Variants in MIS18BP1 observed in about 807,000 individuals in gnomAD.
The protein encoded by MIS18BP1 is MIS18 binding protein 1.
MIS18BP1 carries 72 observed loss-of-function variants against 116.1 expected under a neutral mutation model. That is an observed-to-expected ratio of 0.62 (90% CI 0.51 to 0.75). MIS18BP1 has a LOEUF of 0.75. MIS18BP1 is among the 30% of genes least tolerant of loss of function. The probability of loss-of-function intolerance (pLI) is 0.00; values close to 1 mark genes in which losing one functional copy is unlikely to be tolerated. For synonymous variants in MIS18BP1, 386 were observed against 427.0 expected, an observed-to-expected ratio of 0.90 and a Z score of 1.18; for missense variants, 1,363 against 1,303.2, an observed-to-expected ratio of 1.05 and a Z score of -0.71.
At chr14:45,211,904 A>C (rs1454248622) in intron 13 of MIS18BP1, among the ~76,000 whole-genome samples, 1 of 152,200 alleles carries the variant, frequency 6.6e-6, no homozygotes, top group African/African-American at 2.4e-5. Context: ...TGATACAAAG[A>C]GAATGTGACA....
Position 45,217,063 on chromosome 14 carries a change from CAT to C in MIS18BP1, c.2957_2958del (p.His986ArgfsTer2), listed in dbSNP as rs936051963. 1.9e-6 allele frequency: 3 copies of C among 1,613,990 alleles called. No individual in the cohort carries two copies. In the African/African-American group the frequency reaches 4.0e-5, roughly 22 times the overall value. ...AAAGGTGTTGTACTGAAAAAATCATCATGGTCATCTTTTGGCAACTGTTCCAG... is the reference window on the plus strand; with the variant it reads ...AAAGGTGTTGTACTGAAAAAATCATCGGTCATCTTTTGGCAACTGTTCCAG... ...EFLEQLPKDD[H>X]DDFFSTTPLQ... On this transcript the variant is annotated frameshift_variant, in exon 13 of 17. Coordinates refer to ENST00000310806, the MANE Select transcript of MIS18BP1 (RefSeq NM_018353.5). LOFTEE classifies it high-confidence loss of function.
chr14:45,229,912 A>G (rs1295683101), intron 8 of MIS18BP1, among the ~76,000 whole-genome samples: 1 of 152,210 alleles, frequency 6.6e-6, no homozygotes, highest in African/African-American at 2.4e-5. Context: ...GTTGAGAAGG[A>G]ACTAGGGCAA....
chr14:45,209,432 A>G (rs2139143711), intron 14 of MIS18BP1, among the ~76,000 whole-genome samples: 1 of 152,152 alleles, frequency 6.6e-6, no homozygotes, highest in South Asian at 2.1e-4. Flanking sequence ...GACTCAAGCA[A>G]TCCTTCTACA....
intron 13 of MIS18BP1, among the ~76,000 whole-genome samples, chr14:45,212,814 C>CA (rs1890711173): frequency 6.6e-6 from 1 of 152,184 alleles, no homozygotes; most frequent in African/African-American, 2.4e-5. Context: ...GCAGACAGCC[C>CA]GCCCCAAGGT....
At chr14:45,238,732 G>A (rs535352967) in intron 4 of MIS18BP1, among the ~76,000 whole-genome samples, 2 of 152,284 alleles carry the variant, frequency 1.3e-5, no homozygotes, top group East Asian at 3.9e-4. Context: ...GGCAGAGGTG[G>A]GAGGATCACT....
chr14:45,252,123 A>T (rs906941951), intron 1 of MIS18BP1, among the ~76,000 whole-genome samples: 1 of 152,212 alleles, frequency 6.6e-6, no homozygotes, highest in Non-Finnish European at 1.5e-5. Context: ...ACAATAAGTG[A>T]GAAAGAGGAA....
At position 45,229,490 on chromosome 14, in the gene MIS18BP1, C is replaced by A. The variant is rs535684987; in HGVS notation, c.1594+1651G>T. On this transcript the variant is annotated intron_variant, in intron 8 of 16. Transcript: ENST00000310806. ...CTATATTCCAGCCTGGGAGACAGAG[C>A]AAGACCCTGTCTCAAAAAAAAAAAA... 1.1e-4 allele frequency among the ~76,000 whole-genome samples: 17 copies of A among 147,956 alleles called. No homozygotes were observed. In the East Asian group the frequency reaches 2.8e-3, roughly 24 times the overall value.
intron 4 of MIS18BP1, among the ~76,000 whole-genome samples, chr14:45,241,236 G>A (rs1392926119): frequency 6.6e-6 from 1 of 152,204 alleles, no homozygotes; most frequent in Non-Finnish European, 1.5e-5. Context: ...TTGGGAGGCC[G>A]AGGCGGGAGG....
chr14:45,242,672 G>T, intron 3 of MIS18BP1, 89 bp downstream of exon 3: 1 of 1,459,664 alleles, frequency 6.9e-7, no homozygotes, highest in Non-Finnish European at 9.2e-7. Flanking sequence ...CACAGCTAAA[G>T]TTTAATGCCC....
intron 1 of MIS18BP1, among the ~76,000 whole-genome samples, chr14:45,251,091 C>A (rs1374221320): frequency 6.7e-6 from 1 of 149,892 alleles, no homozygotes; most frequent in African/African-American, 2.5e-5. Flanking sequence ...TACAGTCATG[C>A]ACTGCATAAT....
intron 11 of MIS18BP1, among the ~76,000 whole-genome samples, chr14:45,223,143 A>G (rs759528380): frequency 1.3e-5 from 2 of 152,190 alleles, no homozygotes; most frequent in Admixed American, 6.5e-5. Flanking sequence ...ACTGTTTCTG[A>G]GTGTCAGAAG....
intron 14 of MIS18BP1, among the ~76,000 whole-genome samples, chr14:45,208,796 T>G (rs1890596688): frequency 6.6e-6 from 1 of 152,230 alleles, no homozygotes; most frequent in Admixed American, 6.5e-5. Flanking sequence ...AATTAAAATT[T>G]TAGCAATTTA....
intron 13 of MIS18BP1, among the ~76,000 whole-genome samples, chr14:45,213,192 G>C (rs375155753): frequency 1.3e-5 from 2 of 152,138 alleles, no homozygotes; most frequent in South Asian, 2.1e-4. Context: ...GCATAAGCCA[G>C]CACACCCGGC....
intron 13 of MIS18BP1, among the ~76,000 whole-genome samples, chr14:45,216,812 C>T (rs1594504576): frequency 6.6e-6 from 1 of 152,162 alleles, no homozygotes; most frequent in East Asian, 1.9e-4. Flanking sequence ...GTTCTACAAA[C>T]ATTACCTTTG....
chr14:45,204,527 G>A (rs1386367734), intron 15 of MIS18BP1, 74 bp from the exon 16 acceptor site: 11 of 1,098,532 alleles, frequency 1.0e-5, no homozygotes, highest in Non-Finnish European at 1.5e-5. Flanking sequence ...ACAAAATTAA[G>A]CATGCTTATC....
chr14:45,214,793 C>T (rs2139157574), intron 13 of MIS18BP1, among the ~76,000 whole-genome samples: 1 of 152,148 alleles, frequency 6.6e-6, no homozygotes, highest in African/African-American at 2.4e-5. Context: ...CTCTTGTTGC[C>T]CAGGCTGGAG....
intron 1 of MIS18BP1, 38 bp from the exon 2 acceptor site, chr14:45,247,415 G>A: frequency 1.5e-6 from 1 of 681,494 alleles, no homozygotes; most frequent in South Asian, 2.4e-5. Context: ...ATCATGCTTT[G>A]GTGCAGAAAA....
At position 45,223,901 on chromosome 14, in the gene MIS18BP1, G is replaced by A. The variant is rs996235580; in HGVS notation, c.2669+17C>T. 3 of 1,521,610 alleles carry A rather than the reference G, an allele frequency of 2.0e-6. No homozygotes were observed. Among genetic ancestry groups the A allele is most frequent in the Non-Finnish European group, 2.6e-6 (3 of 1,134,258 alleles). The allele number at this position is 1,521,610 out of a possible 1,614,324, so 94.3% of individuals were successfully genotyped here. Reference sequence around the variant, plus strand: ...GGCTGCTCTGTAGATATTTCGGAATGAAATCTAACTACTTACCAATGAAGT... The same window carrying A: ...GGCTGCTCTGTAGATATTTCGGAATAAAATCTAACTACTTACCAATGAAGT... On this transcript the variant is annotated intron_variant, in intron 11 of 16. Transcript: ENST00000310806.
At chr14:45,212,321 A>G (rs569260937) in intron 13 of MIS18BP1, among the ~76,000 whole-genome samples, 1 of 152,254 alleles carries the variant, frequency 6.6e-6, no homozygotes, top group South Asian at 2.1e-4. Context: ...TCTACAGCCT[A>G]AACTCCCCTG....
Sources: allele counts gnomAD v4.1 joint callset (sites outside exome capture counted in the v4.1 genomes callset), GRCh38; gene constraint gnomAD v4.1.1; transcripts MANE v1.5; gene names NCBI Gene and HGNC (gene_info 2026-07-23, HGNC 2026-07-21).